The following RBFOX1 variants were observed in gnomAD, a reference collection of about 807,000 sequenced individuals.
RBFOX1 encodes RNA binding fox-1 homolog 1, also known as RNA binding protein fox-1 homolog 1.
A neutral mutation model predicts 57.7 loss-of-function variants in RBFOX1; 8 were observed. That is an observed-to-expected ratio of 0.14 (90% CI 0.08 to 0.25). The LOEUF is 0.25. RBFOX1 is among the 10% of genes least tolerant of loss of function. RBFOX1 has a pLI of 1.00. For missense variants in RBFOX1, 611 were observed against 548.5 expected, an observed-to-expected ratio of 1.11 and a Z score of -1.14; for synonymous variants, 326 against 222.4, an observed-to-expected ratio of 1.47 and a Z score of -4.15.
At chr16:7,028,045 G>A (rs2041509469) in intron 3 of RBFOX1, among the ~76,000 whole-genome samples, 1 of 152,116 alleles carries the variant, frequency 6.6e-6, no homozygotes, top group Non-Finnish European at 1.5e-5. Context: ...TTAATCTCCA[G>A]CACAGAAAGT....
chr16:5,262,500 C>T (rs1376914414), intron 1 of RBFOX1, among the ~76,000 whole-genome samples: 3 of 152,162 alleles, frequency 2.0e-5, no homozygotes, highest in Non-Finnish European at 2.9e-5. Flanking sequence ...GATGTGGACT[C>T]GAGTTGGAAC....
At chr16:7,575,934 CTTTTTG>C (rs1409028559) in intron 5 of RBFOX1, among the ~76,000 whole-genome samples, 1 of 151,806 alleles carries the variant, frequency 6.6e-6, no homozygotes, top group Non-Finnish European at 1.5e-5. Context: ...CATTAGTGTC[CTTTTTG>C]TTTTTGTTTT....
At chr16:5,683,837 TG>T (rs2050421834) in intron 3 of RBFOX1, among the ~76,000 whole-genome samples, 1 of 149,162 alleles carries the variant, frequency 6.7e-6, no homozygotes, top group Non-Finnish European at 1.5e-5. Flanking sequence ...GTATATTATA[TG>T]TAAATTATGT....
chr16:6,572,675 C>T (rs1454664045), intron 2 of RBFOX1, among the ~76,000 whole-genome samples: 1 of 152,072 alleles, frequency 6.6e-6, no homozygotes, highest in African/African-American at 2.4e-5. Context: ...TCACCGCAAC[C>T]TCTGCCTCCC....
intron 3 of RBFOX1, chr16:6,748,914 T>A (rs1055296709): frequency 5.3e-5 from 8 of 152,168 alleles, no homozygotes; most frequent in African/African-American, 1.9e-4. Context: ...AAATTAGTGT[T>A]ACAGTTCTTT....
At chr16:5,534,009 A>G (rs1450785419) in intron 2 of RBFOX1, among the ~76,000 whole-genome samples, 1 of 152,088 alleles carries the variant, frequency 6.6e-6, no homozygotes, top group South Asian at 2.1e-4. Flanking sequence ...AGTGTCCCCA[A>G]ATCACACCAC....
At chr16:6,498,426 A>G (rs11644135) in intron 2 of RBFOX1, among the ~76,000 whole-genome samples, 36,972 of 152,094 alleles carry the variant, frequency 0.24, 5,029 homozygotes, top group Non-Finnish European at 0.31. Context: ...CTGAAAGAGA[A>G]GACAGACCAG....
chr16:7,425,708 C>G (rs1394221167), intron 4 of RBFOX1, among the ~76,000 whole-genome samples: 1 of 152,146 alleles, frequency 6.6e-6, no homozygotes, highest in South Asian at 2.1e-4. Flanking sequence ...GGCAAAAGCT[C>G]CAAACATTCT....
At chr16:6,566,204 A>C (rs1192202878) in intron 2 of RBFOX1, among the ~76,000 whole-genome samples, 3 of 152,204 alleles carry the variant, frequency 2.0e-5, no homozygotes, top group Non-Finnish European at 4.4e-5. Context: ...GTTTTGAAGG[A>C]GAAACATAAT....
intron 4 of RBFOX1, among the ~76,000 whole-genome samples, chr16:7,181,706 G>A (rs1427356768): frequency 6.6e-6 from 1 of 152,078 alleles, no homozygotes; most frequent in African/African-American, 2.4e-5. Flanking sequence ...GGGACTACAG[G>A]TATGCACGAT....
intron 4 of RBFOX1, among the ~76,000 whole-genome samples, chr16:5,983,796 G>C (rs964824833): frequency 6.6e-6 from 1 of 151,848 alleles, no homozygotes; most frequent in Non-Finnish European, 1.5e-5. Flanking sequence ...GGGCCAGGCT[G>C]TCGGGGGGTG....
intron 11 of RBFOX1, among the ~76,000 whole-genome samples, chr16:7,632,907 C>G (rs2061209855): frequency 1.3e-5 from 2 of 152,050 alleles, no homozygotes; most frequent in Admixed American, 6.6e-5. Flanking sequence ...ACAATCAACT[C>G]CAAAAGTGTG....
At position 5,674,984 on chromosome 16, in the gene RBFOX1, G is replaced by A. The variant is rs185663149; in HGVS notation, c.318+76023G>A. Among the ~76,000 whole-genome samples, 45 of 152,066 alleles carry A rather than the reference G, an allele frequency of 3.0e-4. No individual in the cohort carries two copies. In the East Asian group the frequency reaches 8.0e-3, roughly 27 times the overall value. ...CAACACAGCAAAACCGCGTCTCTCC[G>A]AAAAATTTTAAAAAATTAGCCAGCC... On this transcript the variant is annotated intron_variant, in intron 3 of 19. Coordinates refer to the RBFOX1 transcript ENST00000641259.
At chr16:5,428,530 A>G (rs2067632530) in intron 1 of RBFOX1, among the ~76,000 whole-genome samples, 1 of 152,186 alleles carries the variant, frequency 6.6e-6, no homozygotes, top group African/African-American at 2.4e-5. Flanking sequence ...GCAAATAGGT[A>G]AGATGCTTTC....
chr16:5,969,293 T>C (rs12924357), intron 4 of RBFOX1, among the ~76,000 whole-genome samples: 5 of 133,350 alleles, frequency 3.7e-5, no homozygotes, highest in African/African-American at 8.7e-5. Context: ...TTATTTTCGG[T>C]TGTTCTTTTT....
chr16:6,630,979 G>A (rs2098378273), intron 2 of RBFOX1, among the ~76,000 whole-genome samples: 2 of 152,060 alleles, frequency 1.3e-5, no homozygotes, highest in Admixed American at 6.6e-5. Context: ...TTTGGGGGAG[G>A]GAAGGAGGCT....
intron 3 of RBFOX1, among the ~76,000 whole-genome samples, chr16:7,050,513 G>A (rs528595537): frequency 5.8e-4 from 88 of 152,062 alleles, no homozygotes; most frequent in Non-Finnish European, 1.1e-3. Flanking sequence ...TGATCCACCC[G>A]CCTTGGCCTC....
intron 4 of RBFOX1, among the ~76,000 whole-genome samples, chr16:7,213,562 A>T (rs1357929179): frequency 6.6e-6 from 1 of 152,080 alleles, no homozygotes; most frequent in African/African-American, 2.4e-5. Flanking sequence ...AATGCCAAAA[A>T]AAAAAACACA....
At chr16:7,151,101 T>G (rs1026590781) in intron 4 of RBFOX1, among the ~76,000 whole-genome samples, 9 of 152,200 alleles carry the variant, frequency 5.9e-5, no homozygotes, top group African/African-American at 2.2e-4. Flanking sequence ...TTTCAGGAAC[T>G]GTTTTATTAA....
Sources: gnomAD v4.1 joint callset for allele counts (sites outside exome capture counted in the v4.1 genomes callset) on GRCh38, gnomAD v4.1.1 for gene constraint, MANE v1.5 for transcripts, NCBI Gene and HGNC (gene_info 2026-07-23, HGNC 2026-07-21) for gene names.